ADGRL2: variants seen among roughly 807,000 people sequenced by gnomAD.
The protein encoded by ADGRL2 is calcium-independent alpha-latrotoxin receptor 2.
ADGRL2 carries 44 observed loss-of-function variants against 157.4 expected under a neutral mutation model. That is an observed-to-expected ratio of 0.28 (90% CI 0.22 to 0.36). ADGRL2 has a LOEUF of 0.36. ADGRL2 is among the 10% of genes least tolerant of loss of function. ADGRL2 has a pLI of 1.00. For synonymous variants in ADGRL2, 585 were observed against 624.7 expected (o/e 0.94, Z 0.95); for missense variants, 1,510 against 1,768.9 (o/e 0.85, Z 2.63).
At chr1:81,891,888 C>T (rs186568598) in intron 2 of ADGRL2, among the ~76,000 whole-genome samples, 4 of 151,984 alleles carry the variant, frequency 2.6e-5, no homozygotes, top group East Asian at 1.9e-4. Context: ...AAATTATTAA[C>T]GCATTTATGT....
At chr1:81,487,080 C>T (rs149477070) in intron 2 of ADGRL2, among the ~76,000 whole-genome samples, 7,186 of 129,108 alleles carry the variant, frequency 0.056, 223 homozygotes, top group Admixed American at 0.099. Context: ...CATAGGGAGA[C>T]CTCATCTCTA....
chr1:81,748,760 C>T (rs1165087076), intron 1 of ADGRL2, among the ~76,000 whole-genome samples: 2 of 151,892 alleles, frequency 1.3e-5, no homozygotes, highest in African/African-American at 2.4e-5. Context: ...CTCCACCTCC[C>T]GGGTTCAAAC....
At chr1:81,983,005 G>A (rs1403838055) in intron 19 of ADGRL2, among the ~76,000 whole-genome samples, 1 of 151,768 alleles carries the variant, frequency 6.6e-6, no homozygotes, top group Non-Finnish European at 1.5e-5. Context: ...ATTGTACAGG[G>A]GTAACATTAG....
chr1:81,827,049 A>G (rs544345983), intron 1 of ADGRL2, among the ~76,000 whole-genome samples: 132 of 152,326 alleles, frequency 8.7e-4, no homozygotes, highest in African/African-American at 1.6e-3. Flanking sequence ...TACTGTAATA[A>G]TAACAATCAG....
chr1:81,837,205 G>A, intron 2 of ADGRL2, 148 bp downstream of exon 2: 1 of 482,388 alleles, frequency 2.1e-6, no homozygotes, highest in Non-Finnish European at 3.6e-6. Flanking sequence ...TTTATTAGGT[G>A]GTTGAGTTCT....
At chr1:81,550,285 A>G (rs981501395) in intron 2 of ADGRL2, among the ~76,000 whole-genome samples, 1 of 152,202 alleles carries the variant, frequency 6.6e-6, no homozygotes, top group African/African-American at 2.4e-5. Context: ...GTAAAGCTAG[A>G]ATCTCATTTG....
intron 2 of ADGRL2, among the ~76,000 whole-genome samples, chr1:81,902,676 T>C (rs1017253864): frequency 6.6e-6 from 1 of 151,882 alleles, no homozygotes; most frequent in African/African-American, 2.4e-5. Context: ...ATAGTCAGAC[T>C]GTGTCAGAAT....
chr1:81,951,146 C>T, intron 8 of ADGRL2, 25 bp downstream of exon 8: 2 of 1,461,264 alleles, frequency 1.4e-6, no homozygotes, highest in Non-Finnish European at 1.9e-6. Context: ...TTTAATATGA[C>T]ACATTGGTGA....
chr1:81,973,198 A>G (rs1340541862), intron 17 of ADGRL2, among the ~76,000 whole-genome samples: 1 of 152,170 alleles, frequency 6.6e-6, no homozygotes, highest in Non-Finnish European at 1.5e-5. Flanking sequence ...AGTGAAATGA[A>G]AATTTGAGAT....
chr1:81,417,695 A>G (rs137975013), intron 1 of ADGRL2, among the ~76,000 whole-genome samples: 3 of 152,276 alleles, frequency 2.0e-5, no homozygotes, highest in African/African-American at 7.2e-5. Flanking sequence ...TTGTTATTTC[A>G]TAATTTCAGT....
chr1:81,392,817 T>C lies in ADGRL2; in HGVS notation c.-301-52219T>C, dbSNP rs527820101. 4.6e-5 allele frequency among the ~76,000 whole-genome samples: 7 copies of C among 152,264 alleles called. No individual in the cohort carries two copies. In the East Asian group the frequency reaches 9.7e-4, roughly 21 times the overall value. On this transcript the variant is annotated intron_variant, in intron 1 of 24. Coordinates refer to the ADGRL2 transcript ENST00000370721. Reference sequence around the variant, plus strand: ...ATGTTTTATAAAGTCACTCATCTAGTATAGACTGTATCTATCACTGAGTTA... The same window carrying C: ...ATGTTTTATAAAGTCACTCATCTAGCATAGACTGTATCTATCACTGAGTTA...
At chr1:81,976,091 G>A (rs543874195) in intron 17 of ADGRL2, among the ~76,000 whole-genome samples, 51 of 151,954 alleles carry the variant, frequency 3.4e-4, no homozygotes, top group Non-Finnish European at 4.4e-4. Flanking sequence ...AATTCCAGAA[G>A]ATATTTTATT....
intron 3 of ADGRL2, among the ~76,000 whole-genome samples, chr1:81,630,040 A>G (rs2081983587): frequency 6.6e-6 from 1 of 152,166 alleles, no homozygotes; most frequent in South Asian, 2.1e-4. Flanking sequence ...ATAGACACAT[A>G]CATGTATACA....
At chr1:81,756,000 C>A (rs1381156831) in intron 1 of ADGRL2, among the ~76,000 whole-genome samples, 1 of 152,098 alleles carries the variant, frequency 6.6e-6, no homozygotes, top group Middle Eastern at 3.2e-3. Flanking sequence ...TATGCACATT[C>A]GAGTTTAAGA....
intron 3 of ADGRL2, among the ~76,000 whole-genome samples, chr1:81,672,015 G>C (rs2082885374): frequency 6.6e-6 from 1 of 152,212 alleles, no homozygotes; most frequent in Non-Finnish European, 1.5e-5. Context: ...AAAAGACATA[G>C]CTTTTAGAGC....
Position 81,579,687 on chromosome 1 carries a change from A to G in ADGRL2, c.-247-1189A>G, listed in dbSNP as rs192501736. On this transcript the variant is annotated intron_variant, in intron 2 of 24. Transcript: ENST00000370721. Reference sequence around the variant, plus strand: ...TTCAGAATATGCTATTTTAAGCATCATAACCCATAAATAAAATACAGTGCT... The same window carrying G: ...TTCAGAATATGCTATTTTAAGCATCGTAACCCATAAATAAAATACAGTGCT... 1.4e-4 allele frequency among the ~76,000 whole-genome samples: 22 copies of G among 152,250 alleles called. No individual in the cohort carries two copies. The East Asian group carries it at 3.7e-3, about 25-fold the overall frequency.
At chr1:81,836,157 G>A (rs2092268639) in intron 1 of ADGRL2, among the ~76,000 whole-genome samples, 1 of 152,080 alleles carries the variant, frequency 6.6e-6, no homozygotes. Context: ...CTCAGAAAGG[G>A]AGGGAAGAGT....
intron 1 of ADGRL2, among the ~76,000 whole-genome samples, chr1:81,741,401 A>G (rs979228953): frequency 6.6e-6 from 1 of 152,050 alleles, no homozygotes; most frequent in Non-Finnish European, 1.5e-5. Context: ...TAGTCTTTAC[A>G]TTTCAACATT....
At chr1:81,832,232 C>G (rs1343382095) in intron 1 of ADGRL2, among the ~76,000 whole-genome samples, 1 of 152,196 alleles carries the variant, frequency 6.6e-6, no homozygotes, top group Non-Finnish European at 1.5e-5. Flanking sequence ...ACCTCCACCT[C>G]TCGGGTTCAA....
Sources: gnomAD v4.1 joint callset for allele counts (sites outside exome capture counted in the v4.1 genomes callset) on GRCh38, gnomAD v4.1.1 for gene constraint, MANE v1.5 for transcripts, NCBI Gene and HGNC (gene_info 2026-07-23, HGNC 2026-07-21) for gene names.